Variants in IL1RAPL2 observed in about 807,000 individuals in gnomAD.
IL1RAPL2 encodes X-linked interleukin-1 receptor accessory protein-like 2.
A neutral mutation model predicts 44.1 loss-of-function variants in IL1RAPL2; 3 were observed. The observed-to-expected ratio is 0.07, with a 90% CI of 0.03 to 0.18. The LOEUF (loss-of-function observed/expected upper bound fraction) is 0.18, where lower values mean the gene tolerates loss of function less well. Ranked by LOEUF, IL1RAPL2 falls within the 10% of genes least tolerant of loss-of-function variation. The pLI is 1.00. For missense variants in IL1RAPL2, 391 were observed against 496.4 expected (o/e 0.79, Z 2.02); for synonymous variants, 181 against 178.8 (o/e 1.01, Z -0.10).
intron 6 of IL1RAPL2, among the ~76,000 whole-genome samples, chrX:105,579,232 A>AG (rs2147813588): frequency 8.9e-6 from 1 of 112,046 alleles, no homozygotes; most frequent in African/African-American, 3.2e-5. Flanking sequence ...CCCTATGGTG[A>AG]TTTTGCAACC....
At chrX:104,775,155 A>G (rs1369380984) in intron 2 of IL1RAPL2, among the ~76,000 whole-genome samples, 2 of 112,623 alleles carry the variant, frequency 1.8e-5, no homozygotes, top group African/African-American at 3.2e-5. Flanking sequence ...TATAATTTCA[A>G]AATACCTTAC....
intron 6 of IL1RAPL2, among the ~76,000 whole-genome samples, chrX:105,540,555 A>G (rs1240209168): frequency 1.8e-5 from 2 of 108,620 alleles, no homozygotes; most frequent in Admixed American, 2.0e-4. Flanking sequence ...TCTCTAAGCA[A>G]TCTCATGTAG....
At position 105,623,490 on chromosome X, in the gene IL1RAPL2, G is replaced by T. The variant is rs187453484; in HGVS notation, c.773-93877G>T. ...GCAGTTTTTTTCAGTTCTGGGACCA[G>T]GTTTCATTTGGACACTTTGTAGACT... is the stretch of plus-strand genomic sequence containing the variant. On this transcript the variant is annotated intron_variant, in intron 6 of 10. Transcript: ENST00000372582. 2.6e-4 allele frequency among the ~76,000 whole-genome samples: 29 copies of T among 111,055 alleles called. 1 individual carries two copies. Among genetic ancestry groups the T allele is most frequent in the Non-Finnish European group, 2.5e-4 (13 of 52,844 alleles).
intron 5 of IL1RAPL2, among the ~76,000 whole-genome samples, chrX:105,378,064 C>A (rs1013664507): frequency 9.0e-6 from 1 of 111,341 alleles, no homozygotes; most frequent in Non-Finnish European, 1.9e-5. Context: ...CATATATGAG[C>A]TTATCTACAC....
At chrX:104,602,971 G>A (rs953976479) in intron 1 of IL1RAPL2, among the ~76,000 whole-genome samples, 11 of 111,786 alleles carry the variant, frequency 9.8e-5, no homozygotes, top group Admixed American at 1.9e-4. Context: ...CAGTGTTCAA[G>A]CTCTGATAAG....
At chrX:105,751,539 G>T (rs1390365631) in intron 9 of IL1RAPL2, among the ~76,000 whole-genome samples, 1 of 111,256 alleles carries the variant, frequency 9.0e-6, no homozygotes, top group Non-Finnish European at 1.9e-5. Context: ...ATCTTTATCT[G>T]CAATGTGGCT....
chrX:105,486,675 G>A (rs2036269159), intron 6 of IL1RAPL2, among the ~76,000 whole-genome samples: 1 of 110,159 alleles, frequency 9.1e-6, no homozygotes, highest in Non-Finnish European at 1.9e-5. Context: ...AAATTCAAGT[G>A]GATAAATTGA....
At chrX:105,658,632 C>T (rs1464511972) in intron 6 of IL1RAPL2, among the ~76,000 whole-genome samples, 1 of 38,660 alleles carries the variant, frequency 2.6e-5, no homozygotes, top group Non-Finnish European at 4.5e-5. Context: ...CAAGACCAGA[C>T]TGGCCAACAG....
intron 6 of IL1RAPL2, among the ~76,000 whole-genome samples, chrX:105,513,638 T>C (rs1411656143): frequency 1.8e-5 from 2 of 111,921 alleles, no homozygotes; most frequent in Admixed American, 1.9e-4. Flanking sequence ...CTTGTAAATT[T>C]GTATAAGTTC....
At chrX:105,688,824 A>T (rs1200124139) in intron 6 of IL1RAPL2, among the ~76,000 whole-genome samples, 1 of 111,980 alleles carries the variant, frequency 8.9e-6, no homozygotes, top group Non-Finnish European at 1.9e-5. Context: ...TTCAAACTGT[A>T]CTACAAGGCT....
At chrX:105,190,227 G>T (rs1314348815) in intron 2 of IL1RAPL2, among the ~76,000 whole-genome samples, 1 of 111,343 alleles carries the variant, frequency 9.0e-6, no homozygotes, top group Non-Finnish European at 1.9e-5. Context: ...TTCACTGGGT[G>T]GGGGGATGGG....
intron 2 of IL1RAPL2, among the ~76,000 whole-genome samples, chrX:105,166,494 C>T (rs2033372632): frequency 8.9e-6 from 1 of 112,197 alleles, no homozygotes; most frequent in African/African-American, 3.2e-5. Context: ...GTAACATCTA[C>T]TGTGCTATTT....
intron 2 of IL1RAPL2, among the ~76,000 whole-genome samples, chrX:105,007,269 A>G (rs1462275630): frequency 9.0e-6 from 1 of 111,645 alleles, no homozygotes; most frequent in Non-Finnish European, 1.9e-5. Flanking sequence ...ATAATTCTTC[A>G]TCAGAAACAG....
At chrX:105,612,059 A>T (rs772395448) in intron 6 of IL1RAPL2, among the ~76,000 whole-genome samples, 1 of 111,200 alleles carries the variant, frequency 9.0e-6, no homozygotes. Context: ...AGGTATAGTT[A>T]CCTTTATAAG....
chrX:104,616,200 T>C (rs1929274121), intron 1 of IL1RAPL2, among the ~76,000 whole-genome samples: 1 of 112,471 alleles, frequency 8.9e-6, no homozygotes, highest in Non-Finnish European at 1.9e-5. Flanking sequence ...TAGTTGTTTT[T>C]CTGTTGTTGT....
chrX:104,593,352 A>G (rs1489713731), intron 1 of IL1RAPL2, among the ~76,000 whole-genome samples: 1 of 111,977 alleles, frequency 8.9e-6, no homozygotes, highest in Non-Finnish European at 1.9e-5. Flanking sequence ...ATGACTTAAA[A>G]AAATATTTTG....
intron 2 of IL1RAPL2, among the ~76,000 whole-genome samples, chrX:105,191,117 A>G (rs2033628924): frequency 8.8e-6 from 1 of 113,015 alleles, no homozygotes; most frequent in African/African-American, 3.2e-5. Flanking sequence ...TACAGATCAG[A>G]ATGAAAATGA....
chrX:104,835,800 G>A (rs887367126), intron 2 of IL1RAPL2, among the ~76,000 whole-genome samples: 2 of 111,872 alleles, frequency 1.8e-5, no homozygotes, highest in South Asian at 3.7e-4. Context: ...TCTTCTGTGG[G>A]TAAAATTTTA....
At chrX:104,837,888 T>C (rs1921784228) in intron 2 of IL1RAPL2, among the ~76,000 whole-genome samples, 1 of 112,295 alleles carries the variant, frequency 8.9e-6, no homozygotes, top group Non-Finnish European at 1.9e-5. Flanking sequence ...TTAACCCATC[T>C]TGAGTTAATT....
Sources: allele counts gnomAD v4.1 joint callset (sites outside exome capture counted in the v4.1 genomes callset), GRCh38; gene constraint gnomAD v4.1.1; transcripts MANE v1.5; gene names NCBI Gene and HGNC (gene_info 2026-07-23, HGNC 2026-07-21).